SEMA3A: variants seen among roughly 807,000 people sequenced by gnomAD.
The protein encoded by SEMA3A is semaphorin-3A.
SEMA3A carries 29 observed loss-of-function variants against 97.9 expected under a neutral mutation model. The observed-to-expected ratio is 0.30, with a 90% CI of 0.22 to 0.40. The LOEUF (loss-of-function observed/expected upper bound fraction) is 0.40. Among genes scored for constraint, SEMA3A ranks in the 10% least tolerant of loss-of-function variants. The pLI, the probability that SEMA3A is intolerant of heterozygous loss-of-function variation, is 1.00. For missense variants in SEMA3A, 763 were observed against 951.3 expected, an observed-to-expected ratio of 0.80 and a Z score of 2.60; for synonymous variants, 321 against 323.7, an observed-to-expected ratio of 0.99 and a Z score of 0.09.
At chr7:84,113,597 G>C (rs1366901898) in intron 3 of SEMA3A, among the ~76,000 whole-genome samples, 1 of 152,076 alleles carries the variant, frequency 6.6e-6, no homozygotes, top group Admixed American at 6.6e-5. Context: ...CAGCACTGGA[G>C]GATTTACAAT....
intron 3 of SEMA3A, among the ~76,000 whole-genome samples, chr7:84,290,145 GA>G (rs1800704774): frequency 6.6e-6 from 1 of 152,162 alleles, no homozygotes; most frequent in South Asian, 2.1e-4. Flanking sequence ...TAGGGAAGAT[GA>G]AAAAATTCCG....
At chr7:84,449,404 A>G (rs1230052194) in intron 1 of SEMA3A, among the ~76,000 whole-genome samples, 1 of 152,192 alleles carries the variant, frequency 6.6e-6, no homozygotes, top group African/African-American at 2.4e-5. Flanking sequence ...CAATCAACAA[A>G]TTGTTAAACC....
Position 84,456,632 on chromosome 7 carries a change from A to T in SEMA3A, c.-246+35828T>A, listed in dbSNP as rs149766011. ...GTAACTGCATACCTGGATTTAGGTA[A>T]CTATAACATACAGTAAAGTCTTTAG... On this transcript the variant is annotated intron_variant, in intron 1 of 3. Transcript: ENST00000424555. Among the ~76,000 whole-genome samples the T allele has an allele frequency of 1.1e-3, 167 of 151,968 alleles. 2 individuals carry two copies. In the East Asian group the frequency reaches 0.027, roughly 24 times the overall value.
At position 83,988,471 on chromosome 7, in the gene SEMA3A, C is replaced by T. The variant is rs144697245; in HGVS notation, c.1453-2994G>A. Among the ~76,000 whole-genome samples, 373 of 152,058 alleles carry T rather than the reference C, an allele frequency of 2.5e-3. 1 individual carries two copies. Among genetic ancestry groups the T allele is most frequent in the Non-Finnish European group, 4.1e-3 (282 of 67,970 alleles). The stretch of plus-strand genomic sequence containing the variant: ...GTCTCGATCTCCCGACCTCGTGATC[C>T]GCCACCTCAGCCTCCCAACTTTTGT... On this transcript the variant is annotated intron_variant, in intron 12 of 16. Transcript: ENST00000265362.
chr7:84,325,664 G>C (rs1801759250), intron 2 of SEMA3A, among the ~76,000 whole-genome samples: 1 of 151,670 alleles, frequency 6.6e-6, no homozygotes, highest in East Asian at 1.9e-4. Flanking sequence ...GTATTTGTAA[G>C]GTTTTGAGCA....
intron 3 of SEMA3A, among the ~76,000 whole-genome samples, chr7:84,265,886 T>C (rs2115680667): frequency 6.6e-6 from 1 of 152,272 alleles, no homozygotes; most frequent in Non-Finnish European, 1.5e-5. Context: ...GGCTACTTGT[T>C]ATAATTACTG....
intron 12 of SEMA3A, among the ~76,000 whole-genome samples, chr7:84,001,681 A>C (rs111980412): frequency 1.0e-4 from 11 of 107,320 alleles, no homozygotes; most frequent in South Asian, 6.2e-4. Context: ...AGGTAACTTA[A>C]ATAATATAAA....
chr7:84,184,826 G>A (rs1434213513), intron 1 of SEMA3A, among the ~76,000 whole-genome samples: 1 of 152,132 alleles, frequency 6.6e-6, no homozygotes, highest in East Asian at 1.9e-4. Context: ...TTAGTGGAAG[G>A]GTGGCAGAAA....
Position 84,262,318 on chromosome 7 carries a change from G to A in SEMA3A, c.-83+44889C>T, listed in dbSNP as rs149904094. Reference sequence around the variant, plus strand: ...TAACCTCCACCTCCCAGGTTCAAGCGATTCTCCTGCATCAGCCTCTCAAGT... The same window carrying A: ...TAACCTCCACCTCCCAGGTTCAAGCAATTCTCCTGCATCAGCCTCTCAAGT... On this transcript the variant is annotated intron_variant, in intron 3 of 3. Coordinates refer to the SEMA3A transcript ENST00000424555. Among the ~76,000 whole-genome samples, 356 of 152,204 alleles carry A rather than the reference G, an allele frequency of 2.3e-3. 2 individuals carry two copies. The highest frequency in any genetic ancestry group is 4.1e-3 in the Non-Finnish European group (281 of 68,008).
chr7:84,261,487 G>A (rs1799854684), intron 3 of SEMA3A, among the ~76,000 whole-genome samples: 1 of 152,202 alleles, frequency 6.6e-6, no homozygotes, highest in South Asian at 2.1e-4. Context: ...GTTATTTGGG[G>A]CTCTGTGATT....
At chr7:84,083,431 A>T (rs1486059326) in intron 4 of SEMA3A, among the ~76,000 whole-genome samples, 1 of 151,548 alleles carries the variant, frequency 6.6e-6, no homozygotes, top group Non-Finnish European at 1.5e-5. Context: ...GGCATTCATC[A>T]TTTTTTTTGT....
chr7:84,230,348 A>C (rs769153842), intron 3 of SEMA3A, among the ~76,000 whole-genome samples: 1 of 152,014 alleles, frequency 6.6e-6, no homozygotes, highest in Non-Finnish European at 1.5e-5. Context: ...TATTTTTTAA[A>C]TCAATGTCTG....
chr7:83,997,752 T>C (rs1436069162), intron 12 of SEMA3A, among the ~76,000 whole-genome samples: 1 of 151,926 alleles, frequency 6.6e-6, no homozygotes, highest in Non-Finnish European at 1.5e-5. Flanking sequence ...TTCTTTTTTT[T>C]TTTTTTGAGA....
At chr7:84,176,014 T>C (rs1797555287) in intron 1 of SEMA3A, among the ~76,000 whole-genome samples, 1 of 152,168 alleles carries the variant, frequency 6.6e-6, no homozygotes, top group South Asian at 2.1e-4. Context: ...GGGAAATTAT[T>C]AGTATACTAT....
chr7:84,322,992 T>C (rs1801687076), intron 2 of SEMA3A, among the ~76,000 whole-genome samples: 2 of 152,220 alleles, frequency 1.3e-5, no homozygotes, highest in Admixed American at 6.5e-5. Context: ...TGGACAAAAT[T>C]TGGCAAACAA....
chr7:84,098,938 G>T (rs1283915493), intron 4 of SEMA3A, among the ~76,000 whole-genome samples: 1 of 56,056 alleles, frequency 1.8e-5, no homozygotes, highest in African/African-American at 3.4e-5. Flanking sequence ...TTTTGATAAA[G>T]CTATCAACCA....
intron 3 of SEMA3A, among the ~76,000 whole-genome samples, chr7:84,207,981 C>T (rs1281673566): frequency 6.6e-6 from 1 of 151,974 alleles, no homozygotes; most frequent in Non-Finnish European, 1.5e-5. Flanking sequence ...TGTGTATATG[C>T]ACACATGCAC....
intron 1 of SEMA3A, among the ~76,000 whole-genome samples, chr7:84,138,908 T>A (rs1796220410): frequency 1.3e-5 from 2 of 152,120 alleles, no homozygotes; most frequent in Non-Finnish European, 2.9e-5. Flanking sequence ...GAAACATGGG[T>A]TAAAATCAGA....
intron 2 of SEMA3A, among the ~76,000 whole-genome samples, chr7:84,316,378 T>G (rs536235086): frequency 6.6e-6 from 1 of 151,878 alleles, no homozygotes; most frequent in Non-Finnish European, 1.5e-5. Context: ...TATTTTCAAG[T>G]AACGATACTT....
Sources: gnomAD v4.1 joint callset for allele counts (sites outside exome capture counted in the v4.1 genomes callset) on GRCh38, gnomAD v4.1.1 for gene constraint, MANE v1.5 for transcripts, NCBI Gene and HGNC (gene_info 2026-07-23, HGNC 2026-07-21) for gene names.